The following MTA3 variants were observed in gnomAD, a reference collection of about 807,000 sequenced individuals.
MTA3 encodes the protein metastasis-associated protein MTA3.
Under a neutral mutation model 83.5 loss-of-function variants are expected in MTA3, and 34 were observed. The observed-to-expected ratio is 0.41, with a 90% CI of 0.31 to 0.54. The LOEUF is 0.54. MTA3 is among the 20% of genes least tolerant of loss of function. MTA3 has a pLI of 0.33. For synonymous variants in MTA3, 303 were observed against 252.7 expected, an observed-to-expected ratio of 1.20 and a Z score of -1.89; for missense variants, 761 against 726.4, an observed-to-expected ratio of 1.05 and a Z score of -0.55.
At chr2:42,556,594 C>T in intron 2 of MTA3, among the ~76,000 whole-genome samples, 1 of 152,162 alleles carries the variant, frequency 6.6e-6, no homozygotes, top group East Asian at 1.9e-4. Context: ...AGTCTCCCAG[C>T]CTGCCCGATG....
chr2:42,577,681 A>G (rs754958591), intron 2 of MTA3, among the ~76,000 whole-genome samples: 9 of 151,942 alleles, frequency 5.9e-5, no homozygotes, highest in East Asian at 3.9e-4. Context: ...GGGTTTTACT[A>G]TGTTGGCCAG....
chr2:42,712,371 C>T (rs1468421616), intron 14 of MTA3, among the ~76,000 whole-genome samples: 6 of 151,992 alleles, frequency 3.9e-5, no homozygotes, highest in African/African-American at 1.5e-4. Context: ...CATCATAGCT[C>T]AGTGCAGCCT....
At chr2:42,563,884 C>T (rs1037993960), upstream of MTA3, among the ~76,000 whole-genome samples, 1 of 148,284 alleles carries the variant, frequency 6.7e-6, no homozygotes. Context: ...AGTGCAATGG[C>T]GCGATCTCGG....
chr2:42,652,367 G>GATCTCCCCCC (rs1688799303), intron 6 of MTA3, among the ~76,000 whole-genome samples: 2 of 152,148 alleles, frequency 1.3e-5, no homozygotes, highest in African/African-American at 2.4e-5. Context: ...TACATATGCA[G>GATCTCCCCCC]ATCTCCCCCC....
chr2:42,579,382 T>C (rs999438467), intron 3 of MTA3, among the ~76,000 whole-genome samples, 182 bp downstream of exon 3: 1 of 149,726 alleles, frequency 6.7e-6, no homozygotes, highest in Non-Finnish European at 1.5e-5. Flanking sequence ...TTTCAGTGTA[T>C]ATGTGTATAT....
chr2:42,514,806 G>GC (rs1455531962), intron 2 of MTA3, among the ~76,000 whole-genome samples: 1 of 144,330 alleles, frequency 6.9e-6, no homozygotes, highest in Non-Finnish European at 1.5e-5. Context: ...TCCCGCCTCA[G>GC]CCTCCAGAGT....
chr2:42,592,479 G>A (rs533390086), intron 3 of MTA3, among the ~76,000 whole-genome samples: 1 of 152,232 alleles, frequency 6.6e-6, no homozygotes, highest in East Asian at 1.9e-4. Flanking sequence ...AGCTACTCGG[G>A]AGGTTTAGAC....
At chr2:42,526,882 C>A (rs560313851) in intron 2 of MTA3, among the ~76,000 whole-genome samples, 1 of 151,680 alleles carries the variant, frequency 6.6e-6, no homozygotes, top group South Asian at 2.1e-4. Context: ...GGTGAAACCC[C>A]GTCTCTACTA....
chr2:42,556,290 G>A (rs114084626), intron 2 of MTA3, among the ~76,000 whole-genome samples: 1,728 of 152,212 alleles, frequency 0.011, 29 homozygotes, highest in African/African-American at 0.04. Flanking sequence ...AGGAAGCTGG[G>A]AGCTGATTCT....
chr2:42,635,807 C>T (rs565984431), intron 4 of MTA3, among the ~76,000 whole-genome samples: 1 of 152,122 alleles, frequency 6.6e-6, no homozygotes, highest in South Asian at 2.1e-4. Flanking sequence ...CACTCTGTCA[C>T]CCAGGCTCGA....
chr2:42,713,076 C>A (rs1293644304), intron 14 of MTA3, among the ~76,000 whole-genome samples: 2 of 152,222 alleles, frequency 1.3e-5, no homozygotes, highest in African/African-American at 4.8e-5. Context: ...AGTAGGTTTA[C>A]TAGCAACATT....
chr2:42,591,644 A>AT (rs780541731), intron 3 of MTA3, among the ~76,000 whole-genome samples: 2 of 119,632 alleles, frequency 1.7e-5, no homozygotes. Flanking sequence ...TTTTTATTTT[A>AT]TTTATTTTTT....
intron 2 of MTA3, among the ~76,000 whole-genome samples, chr2:42,530,029 A>G (rs2103717371): frequency 6.6e-6 from 1 of 151,440 alleles, no homozygotes; most frequent in South Asian, 2.1e-4. Flanking sequence ...TACTGAAAAT[A>G]CAAAAATTAG....
At chr2:42,519,721 C>T (rs1353977761) in intron 2 of MTA3, among the ~76,000 whole-genome samples, 5 of 151,768 alleles carry the variant, frequency 3.3e-5, no homozygotes, top group Non-Finnish European at 7.4e-5. Context: ...GGCAACATAA[C>T]GATACCTTCA....
intron 16 of MTA3, among the ~76,000 whole-genome samples, chr2:42,731,269 T>A (rs1668210522): frequency 6.6e-6 from 1 of 152,258 alleles, no homozygotes. Context: ...TTTGCTTTCC[T>A]AGTTCTTTAA....
Position 42,753,369 on chromosome 2 carries a change from T to C in MTA3, c.1760-5T>C, listed in dbSNP as rs1670025427. 1.9e-6 allele frequency: 3 copies of C among 1,550,474 alleles called. No individual in the cohort carries two copies. The South Asian group carries it at 3.6e-5, about 18-fold the overall frequency. The stretch of plus-strand genomic sequence containing the variant: ...AACCTTCACACTGTTACTTCCCTTT[T>C]CTAGAACTCACGTGCTGTGTGTCAG... On this transcript the variant is annotated splice_region_variant and splice_polypyrimidine_tract_variant and intron_variant, in intron 16 of 16. Coordinates refer to ENST00000405094, the MANE Select transcript of MTA3 (RefSeq NM_001330442.2).
chr2:42,586,909 G>C (rs1433244640), intron 3 of MTA3, among the ~76,000 whole-genome samples: 1 of 152,206 alleles, frequency 6.6e-6, no homozygotes, highest in Non-Finnish European at 1.5e-5. Flanking sequence ...TATAGTCCCA[G>C]CTACTCAGGA....
chr2:42,616,935 G>A (rs533489068), intron 4 of MTA3, among the ~76,000 whole-genome samples: 43 of 152,106 alleles, frequency 2.8e-4, no homozygotes, highest in African/African-American at 9.6e-4. Context: ...TTTAGATTTC[G>A]TGCTTTTTCT....
intron 16 of MTA3, among the ~76,000 whole-genome samples, chr2:42,735,004 A>G (rs950630207): frequency 2.6e-5 from 4 of 152,316 alleles, no homozygotes; most frequent in Non-Finnish European, 4.4e-5. Flanking sequence ...TTTACAGACA[A>G]TTACACTGTT....
Sources: gnomAD v4.1 joint callset for allele counts (sites outside exome capture counted in the v4.1 genomes callset) on GRCh38, gnomAD v4.1.1 for gene constraint, MANE v1.5 for transcripts, NCBI Gene and HGNC (gene_info 2026-07-23, HGNC 2026-07-21) for gene names.